The following ACO1 variants were observed in gnomAD, a reference collection of about 807,000 sequenced individuals.
The protein encoded by ACO1 is aconitase 1.
A neutral mutation model predicts 105.1 loss-of-function variants in ACO1; 78 were observed. The ratio of observed to expected loss-of-function variants is 0.74; its 90% CI spans 0.62 to 0.90. ACO1 has a LOEUF of 0.90. Among genes scored for constraint, ACO1 ranks in the 40% least tolerant of loss-of-function variants. The pLI, the probability that ACO1 is intolerant of heterozygous loss-of-function variation, is 0.00. For synonymous variants in ACO1, 364 were observed against 397.4 expected (o/e 0.92, Z 1.00); for missense variants, 965 against 1,111.1 (o/e 0.87, Z 1.87).
chr9:32,445,506 CTTCT>C (rs1478523005), intron 19 of ACO1: 4 of 185,250 alleles, frequency 2.2e-5, no homozygotes, highest in South Asian at 2.0e-4. Flanking sequence ...TCTCTCTTTC[CTTCT>C]TTATTAGTCT....
intron 4 of ACO1, among the ~76,000 whole-genome samples, chr9:32,415,250 A>C (rs1821823510): frequency 6.6e-6 from 1 of 152,188 alleles, no homozygotes; most frequent in African/African-American, 2.4e-5. Flanking sequence ...GAAAATGGGA[A>C]GCCATTGGTA....
chr9:32,449,098 C>G lies in ACO1; in HGVS notation c.2556+17C>G, dbSNP rs12350423. 2 of 1,579,734 alleles carry G rather than the reference C, an allele frequency of 1.3e-6. No individual in the cohort carries two copies. Among genetic ancestry groups the G allele is most frequent in the Non-Finnish European group, 8.6e-7 (1 of 1,163,062 alleles). On this transcript the variant is annotated intron_variant, in intron 20 of 20. Coordinates refer to ENST00000309951, the MANE Select transcript of ACO1 (RefSeq NM_002197.3). ...CAGGTCAAGGTAAGCTGGAGCCTCT[C>G]TATGCCAGGCCCTGTCGAAAGGGGC...
At position 32,440,460 on chromosome 9, in the gene ACO1, C is replaced by T. The variant is rs762691195; in HGVS notation, c.2248-5C>T. The T allele has an allele frequency of 4.3e-6, 7 of 1,613,618 alleles. No homozygotes were observed. In the South Asian group the frequency reaches 6.6e-5, roughly 15 times the overall value. On this transcript the variant is annotated splice_region_variant and splice_polypyrimidine_tract_variant and intron_variant, in intron 18 of 20. Coordinates refer to ENST00000309951, the MANE Select transcript of ACO1 (RefSeq NM_002197.3). ...ATCTGTAAAACTTCCTTTTCTCTTC[C>T]TCAGCTTGATGTGTTTGATGCTGCT...
rs1822736623 is a variant in ACO1, at chr9:32,450,394, T to C, written c.*283T>C. On this transcript the variant is annotated 3_prime_UTR_variant, in exon 21 of 21. Coordinates refer to ENST00000309951, the MANE Select transcript of ACO1 (RefSeq NM_002197.3). ...GAACCAAGCTTGTCTTTAAAGTTAC[T>C]GATCACAGGACGTTGCTTTTTCACT... 3 of 462,538 alleles carry C rather than the reference T, an allele frequency of 6.5e-6. No homozygotes were observed. Among genetic ancestry groups the C allele is most frequent in the African/African-American group, 2.0e-5 (1 of 50,214 alleles). The allele number at this position is 462,538 out of a possible 1,614,324, so 28.7% of individuals were successfully genotyped here. A position where few individuals can be genotyped will look rare whatever the true frequency, so the allele number is the denominator to read the frequency against.
intron 18 of ACO1, 134 bp from the exon 19 acceptor site, chr9:32,440,331 A>G: frequency 1.1e-6 from 1 of 882,408 alleles, no homozygotes; most frequent in Admixed American, 2.4e-5. Context: ...ATAATTGGGA[A>G]TTTGTAGACA....
chr9:32,450,280 T>G lies in ACO1; in HGVS notation c.*169T>G. On this transcript the variant is annotated 3_prime_UTR_variant, in exon 21 of 21. Transcript: ENST00000309951. ...TCCTGTAGGCACAAAACCAGAAGTT[T>G]CTACATTCTCTATTTTTGTTAATCA... The G allele has an allele frequency of 8.4e-6, 6 of 712,532 alleles. 1 individual carries two copies. In the South Asian group the frequency reaches 9.1e-5, roughly 11 times the overall value. The allele number at this position is 712,532 out of a possible 1,614,324, so 44.1% of individuals were successfully genotyped here. A position where few individuals can be genotyped will look rare whatever the true frequency, so the allele number is the denominator to read the frequency against.
chr9:32,444,492 C>T (rs893364340), intron 19 of ACO1, among the ~76,000 whole-genome samples: 3 of 152,114 alleles, frequency 2.0e-5, no homozygotes, highest in Non-Finnish European at 2.9e-5. Flanking sequence ...ATCTGTTGTT[C>T]CCTGACTTTT....
At chr9:32,417,586 A>G (rs998497595) in intron 4 of ACO1, among the ~76,000 whole-genome samples, 1 of 152,236 alleles carries the variant, frequency 6.6e-6, no homozygotes, top group Non-Finnish European at 1.5e-5. Context: ...TGTGGTTCAC[A>G]GATGTTATCA....
At chr9:32,390,001 T>C (rs1336142110) in intron 1 of ACO1, among the ~76,000 whole-genome samples, 2 of 152,190 alleles carry the variant, frequency 1.3e-5, no homozygotes, top group Non-Finnish European at 2.9e-5. Context: ...TTTCACCATG[T>C]TGGCCAGGTT....
intron 10 of ACO1, among the ~76,000 whole-genome samples, chr9:32,425,477 A>T (rs555857270): frequency 2.0e-5 from 3 of 152,322 alleles, no homozygotes; most frequent in Middle Eastern, 3.4e-3. Flanking sequence ...TATCCATTAA[A>T]CTGTACAATA....
At chr9:32,394,296 G>A (rs1028715981) in intron 1 of ACO1, among the ~76,000 whole-genome samples, 2 of 152,130 alleles carry the variant, frequency 1.3e-5, no homozygotes, top group Non-Finnish European at 2.9e-5. Context: ...GCTTTTCCCT[G>A]GTGGTTCTTT....
intron 4 of ACO1, among the ~76,000 whole-genome samples, chr9:32,409,627 G>A (rs572066993): frequency 1.3e-5 from 2 of 152,260 alleles, no homozygotes; most frequent in South Asian, 4.1e-4. Flanking sequence ...GAGGCAGGAG[G>A]ATCGCTTGAG....
rs1323055728 is a variant in ACO1 at position 32,448,994 on chromosome 9, T to G, written c.2469T>G (p.Asn823Lys). ...CACTTGAATATCTCCCTGGTGAGAA[T>G]GCAGATGCCCTGGGGCTCACAGGGC... ...VIPLEYLPGE[N>K]ADALGLTGQE... is the part of the protein sequence containing the mutation. The change falls in exon 20 of 21, where the codon AAT (asparagine) becomes AAG (lysine). Residue 823 changes from asparagine to lysine, a missense_variant. Transcript: ENST00000309951. 6.2e-7 allele frequency: 1 copy of G among 1,614,150 alleles called. No homozygotes were observed. The highest frequency in any genetic ancestry group is 1.7e-5 in the Admixed American group (1 of 60,028).
At position 32,421,037 on chromosome 9, in the gene ACO1, G is replaced by C. The variant is rs202040720; in HGVS notation, c.970+10G>C. The C allele has an allele frequency of 2.5e-6, 4 of 1,612,782 alleles. No homozygotes were observed. Among genetic ancestry groups the C allele is most frequent in the East Asian group, 4.5e-5 (2 of 44,834 alleles). On this transcript the variant is annotated intron_variant, in intron 8 of 20. Transcript: ENST00000309951. ...TACCTGGTGCAAACAGGTAAGTGAA[G>C]GGCCCTGAAAGCATCGGGCTTTTTG...
chr9:32,422,578 A>T (rs1278221883), intron 8 of ACO1, among the ~76,000 whole-genome samples: 7 of 152,188 alleles, frequency 4.6e-5, no homozygotes, highest in Non-Finnish European at 1.5e-5. Flanking sequence ...ATACTTCATG[A>T]GTATTATCTC....
chr9:32,427,064 TTTC>T (rs1243050021), intron 11 of ACO1, among the ~76,000 whole-genome samples: 6 of 152,234 alleles, frequency 3.9e-5, no homozygotes, highest in African/African-American at 1.2e-4. Context: ...AGCAAATCTC[TTTC>T]TTCATTTCCT....
intron 1 of ACO1, among the ~76,000 whole-genome samples, chr9:32,393,811 A>G (rs62571710): frequency 0.15 from 23,004 of 152,172 alleles, 2,133 homozygotes; most frequent in South Asian, 0.29. Context: ...CACCCAATAC[A>G]TAACTCTGCC....
Position 32,430,476 on chromosome 9 carries a change from A to G in ACO1, c.1628A>G (p.His543Arg). Residue 543 changes from histidine (H) to arginine (R), a missense_variant, in exon 14 of 21, where the codon CAC (histidine) becomes CGC (arginine). Transcript: ENST00000309951. ...AACAGGAATTTTGAAGGTCGAGTTC[A>G]CCCCAACACCCGGGCCAACTATTTA... The part of the protein sequence containing the change: ...SGNRNFEGRV[H>R]PNTRANYLAS... The G allele has an allele frequency of 1.2e-6, 2 of 1,611,668 alleles. No homozygotes were observed. The highest frequency in any genetic ancestry group is 1.7e-6 in the Non-Finnish European group (2 of 1,179,138).
At chr9:32,432,372 C>T (rs1289767411) in intron 15 of ACO1, among the ~76,000 whole-genome samples, 1 of 152,162 alleles carries the variant, frequency 6.6e-6, no homozygotes, top group Non-Finnish European at 1.5e-5. Context: ...GATATTATTC[C>T]TTTCCCCGCC....
Sources: gnomAD v4.1 joint callset for allele counts (sites outside exome capture counted in the v4.1 genomes callset) on GRCh38, gnomAD v4.1.1 for gene constraint, MANE v1.5 for transcripts, NCBI Gene and HGNC (gene_info 2026-07-23, HGNC 2026-07-21) for gene names.